The following IQCF6 variants were observed in gnomAD, a reference collection of about 807,000 sequenced individuals.
IQCF6 encodes IQ domain-containing protein F6.
A neutral mutation model predicts 16.8 loss-of-function variants in IQCF6; 15 were observed. The ratio of observed to expected loss-of-function variants is 0.89; its 90% CI spans 0.60 to 1.37. The LOEUF (loss-of-function observed/expected upper bound fraction) is 1.37. IQCF6 is among the 40% of genes most tolerant of loss of function. The pLI is 0.00. For missense variants in IQCF6, 169 were observed against 197.4 expected (o/e 0.86, Z 0.86); for synonymous variants, 64 against 72.8 (o/e 0.88, Z 0.61).
rs1354126454 is a variant in IQCF6, at chr3:51,778,594, G to C, written c.*29C>G. 17 of 1,487,148 alleles carry C rather than the reference G, an allele frequency of 1.1e-5. No homozygotes were observed. Among genetic ancestry groups the C allele is most frequent in the Non-Finnish European group, 1.4e-5 (16 of 1,113,064 alleles). 92.1% of individuals were successfully genotyped at this position (1,487,148 alleles called of 1,614,324 possible). A position where few individuals can be genotyped will look rare whatever the true frequency, so the allele number is the denominator to read the frequency against. On this transcript the variant is annotated 3_prime_UTR_variant, in exon 2 of 2. Transcript: ENST00000667863. The stretch of plus-strand genomic sequence containing the variant: ...CAGTAAGGGTCTTTATTGGAAGAGA[G>C]ATCCAGCCTCCTTGGCTCTGTCAGC...
chr3:51,779,163 G>A lies in IQCF6; in HGVS notation c.62C>T (p.Pro21Leu), dbSNP rs997998421. Residue 21 changes from proline (P) to leucine (L), a missense_variant, in exon 1 of 2, where the codon CCG (proline) becomes CTG (leucine). Coordinates refer to ENST00000667863, the MANE Select transcript of IQCF6 (RefSeq NM_001368369.1). ...CAATCCCCCACTCACATTTAGACAC[G>A]GTTCATTACCTGTCAGGTAAGTCCC... ...AVGTYLTGNE[P>L]CLNLEKTAIK... is the part of the protein sequence containing the mutation. 8.5e-6 allele frequency: 12 copies of A among 1,418,998 alleles called. No homozygotes were observed. In the African/African-American group the frequency reaches 8.6e-5, roughly 10 times the overall value. The allele number at this position is 1,418,998 out of a possible 1,614,324, so 87.9% of individuals were successfully genotyped here.
intron 1 of IQCF6, 55 bp downstream of exon 1, chr3:51,779,098 C>T: frequency 7.0e-7 from 1 of 1,435,526 alleles, no homozygotes. Flanking sequence ...GGCCCAGGTG[C>T]CCCTGACTTC....
Position 51,778,574 on chromosome 3 carries a change from A to C in IQCF6, c.*49T>G, listed in dbSNP as rs752316011. 5.4e-6 allele frequency: 8 copies of C among 1,472,096 alleles called. No individual in the cohort carries two copies. The African/African-American group carries it at 1.1e-4, about 21-fold the overall frequency. The allele number at this position is 1,472,096 out of a possible 1,614,324, so 91.2% of individuals were successfully genotyped here. A position where few individuals can be genotyped will look rare whatever the true frequency, so the allele number is the denominator to read the frequency against. ...CCAAAGGGCAAGTGTATGGTCAGTA[A>C]GGGTCTTTATTGGAAGAGAGATCCA... is the stretch of plus-strand genomic sequence containing the variant. On this transcript the variant is annotated 3_prime_UTR_variant, in exon 2 of 2. Transcript: ENST00000667863.
In IQCF6 at chr3:51,778,753, G is replaced by C. The variant is rs1271391870; in HGVS notation, c.311C>G (p.Ala104Gly). ...MWQARRRFLQ[A>G]RQAACIIQSH... ...CTGGATGATGCAGGCCGCTTGGCGT[G>C]CCTGGAGGAACCGCCTGCGGGCCTG... The change falls in exon 2 of 2, where the codon GCA becomes GGA. Residue 104 changes from alanine (A) to glycine (G), a missense_variant. Coordinates refer to ENST00000667863, the MANE Select transcript of IQCF6 (RefSeq NM_001368369.1). 6.4e-7 allele frequency: 1 copy of C among 1,551,656 alleles called. No individual in the cohort carries two copies. Among genetic ancestry groups the C allele is most frequent in the African/African-American group, 1.4e-5 (1 of 73,178 alleles).
In IQCF6 at chr3:51,778,705, C is replaced by T. The variant is rs2107165020; in HGVS notation, c.359G>A (p.Ser120Asn). The change falls in exon 2 of 2, where the codon AGC (serine) becomes AAC (asparagine). Residue 120 changes from serine (S) to asparagine (N), a missense_variant. By Grantham distance (46) the Ser-to-Asn change is conservative. Coordinates refer to ENST00000667863, the MANE Select transcript of IQCF6 (RefSeq NM_001368369.1). ...GCCCCGGATCAGGCCTCGGGTTTGG[C>T]TGGCATGCCAGCGCCAGTGAGACTG... ...IIQSHWRWHA[S>N]QTRGLIRGHY... is the part of the protein sequence containing the mutation. The T allele has an allele frequency of 6.4e-7, 1 of 1,551,602 alleles. No homozygotes were observed. Among genetic ancestry groups the T allele is most frequent in the Middle Eastern group, 1.7e-4 (1 of 5,992 alleles).
At chr3:51,779,031 G>C in intron 1 of IQCF6, 40 bp from the exon 2 acceptor site, 1 of 1,489,506 alleles carries the variant, frequency 6.7e-7, no homozygotes, top group Non-Finnish European at 9.0e-7. Context: ...TGCTCAATGG[G>C]GGACCCTCCC....
Position 51,779,147 on chromosome 3 carries a change from A to T in IQCF6, c.72+6T>A. 3 of 1,425,450 alleles carry T rather than the reference A, an allele frequency of 2.1e-6. No individual in the cohort carries two copies. The highest frequency in any genetic ancestry group is 2.7e-6 in the Non-Finnish European group (3 of 1,092,614). 88.3% of individuals were successfully genotyped at this position (1,425,450 alleles called of 1,614,324 possible). A position where few individuals can be genotyped will look rare whatever the true frequency, so the allele number is the denominator to read the frequency against. ...CCATCCATCTTGTTTCCAATCCCCC[A>T]CTCACATTTAGACACGGTTCATTAC... On this transcript the variant is annotated splice_donor_region_variant and intron_variant, in intron 1 of 1. Transcript: ENST00000667863.
chr3:51,778,888 C>A lies in IQCF6; in HGVS notation c.176G>T (p.Trp59Leu). Reference protein sequence around the residue: ...ALRAWVIQCWWRSMQAKMLEQ... With the variant: ...ALRAWVIQCWLRSMQAKMLEQ... ...CAACATCTTGGCCTGCATTGACCTC[C>A]ACCAGCACTGGATGACCCAGGCTCT... The change falls in exon 2 of 2, where the codon TGG becomes TTG. Residue 59 changes from tryptophan to leucine, a missense_variant. By Grantham distance (61) the Trp-to-Leu change is moderately conservative. Transcript: ENST00000667863. 1 of 1,552,070 alleles carries A rather than the reference C, an allele frequency of 6.4e-7. No homozygotes were observed.
Position 51,778,659 on chromosome 3 carries a change from G to T in IQCF6, c.405C>A (p.Ser135Arg). Residue 135 changes from serine (S) to arginine (R), a missense_variant, in exon 2 of 2, where the codon AGC becomes AGA. Ser to Arg is a moderately radical substitution (Grantham distance 110, BLOSUM62 -1). Coordinates refer to ENST00000667863, the MANE Select transcript of IQCF6 (RefSeq NM_001368369.1). ...GGATTTCGATGTCAAGCTCCAGCCG[G>T]CTGGCTCTGACCTCATAGTGGCCCC... ...LIRGHYEVRA[S>R]RLELDIEILM... 1.3e-6 allele frequency: 2 copies of T among 1,543,952 alleles called. No individual in the cohort carries two copies. Among genetic ancestry groups the T allele is most frequent in the Non-Finnish European group, 1.8e-6 (2 of 1,140,764 alleles).
In IQCF6 at chr3:51,778,723, T is replaced by C. The variant is rs1704809917; in HGVS notation, c.341A>G (p.His114Arg). Residue 114 changes from histidine (H) to arginine (R), a missense_variant, in exon 2 of 2, where the codon CAC (histidine) becomes CGC (arginine). His to Arg is a conservative substitution (Grantham distance 29). Transcript: ENST00000667863. The stretch of plus-strand genomic sequence containing the variant: ...GGTTTGGCTGGCATGCCAGCGCCAG[T>C]GAGACTGGATGATGCAGGCCGCTTG... ...ARQAACIIQSHWRWHASQTRG... is the reference protein window; with the variant it reads ...ARQAACIIQSRWRWHASQTRG... 1 of 1,551,622 alleles carries C rather than the reference T, an allele frequency of 6.4e-7. No individual in the cohort carries two copies. Among genetic ancestry groups the C allele is most frequent in the East Asian group, 2.4e-5 (1 of 40,904 alleles).
chr3:51,778,919 C>A lies in IQCF6; in HGVS notation c.145G>T (p.Ala49Ser). The A allele has an allele frequency of 6.4e-7, 1 of 1,551,282 alleles. No homozygotes were observed. Among genetic ancestry groups the A allele is most frequent in the Non-Finnish European group, 8.7e-7 (1 of 1,146,500 alleles). ...NMVRRTLLQA[A>S]LRAWVIQCWW... Reference sequence around the variant, plus strand: ...CACTGGATGACCCAGGCTCTGAGTGCTGCCTGCAGTAACGTCCGGCGCACC... The same window carrying A: ...CACTGGATGACCCAGGCTCTGAGTGATGCCTGCAGTAACGTCCGGCGCACC... Residue 49 changes from alanine (A) to serine (S), a missense_variant, in exon 2 of 2, where the codon GCA becomes TCA. Transcript: ENST00000667863.
In IQCF6 at chr3:51,778,820, C is replaced by T. The variant is rs1298225318; in HGVS notation, c.244G>A (p.Glu82Lys). ...GCCTGCACCTTCACCACCGCCCACT[C>T]CTGGCAGGTATAGAGTCTTAGTGCC... ...RLALRLYTCQ[E>K]WAVVKVQAQV... The change falls in exon 2 of 2, where the codon GAG (glutamate) becomes AAG (lysine). Residue 82 changes from glutamate to lysine, a missense_variant. Glu to Lys is a moderately conservative substitution (Grantham distance 56, BLOSUM62 1). Transcript: ENST00000667863. 1 of 1,551,874 alleles carries T rather than the reference C, an allele frequency of 6.4e-7. No homozygotes were observed.
chr3:51,779,015 G>C, intron 1 of IQCF6, 24 bp from the exon 2 acceptor site: 1 of 1,500,494 alleles, frequency 6.7e-7, no homozygotes. Context: ...AGGAAAAACA[G>C]GGAGATGCTC....
At chr3:51,779,097 GC>G (rs1704820755) in intron 1 of IQCF6, 55 bp downstream of exon 1, 1 of 1,433,996 alleles carries the variant, frequency 7.0e-7, no homozygotes, top group Non-Finnish European at 9.1e-7. Context: ...TGGCCCAGGT[GC>G]CCCTGACTTC....
In IQCF6 at chr3:51,778,814, C is replaced by T; in HGVS notation, c.250G>A (p.Ala84Thr). ...ACCTGTGCCTGCACCTTCACCACCG[C>T]CCACTCCTGGCAGGTATAGAGTCTT... ...ALRLYTCQEW[A>T]VVKVQAQVRM... Residue 84 changes from alanine to threonine, a missense_variant, in exon 2 of 2, where the codon GCG (alanine) becomes ACG (threonine). By Grantham distance (58) the Ala-to-Thr change is moderately conservative. Transcript: ENST00000667863. 1 of 1,551,852 alleles carries T rather than the reference C, an allele frequency of 6.4e-7. No homozygotes were observed. The highest frequency in any genetic ancestry group is 8.7e-7 in the Non-Finnish European group (1 of 1,147,026).
chr3:51,778,892 A>G lies in IQCF6; in HGVS notation c.172T>C (p.Trp58Arg), dbSNP rs1158847415. 1.9e-6 allele frequency: 3 copies of G among 1,552,030 alleles called. No individual in the cohort carries two copies. The East Asian group carries it at 7.3e-5, about 38-fold the overall frequency. ...ATCTTGGCCTGCATTGACCTCCACCAGCACTGGATGACCCAGGCTCTGAGT... is the reference window on the plus strand; with the variant it reads ...ATCTTGGCCTGCATTGACCTCCACCGGCACTGGATGACCCAGGCTCTGAGT... ...AALRAWVIQCWWRSMQAKMLE... is the reference protein window; with the variant it reads ...AALRAWVIQCRWRSMQAKMLE... Residue 58 changes from tryptophan to arginine, a missense_variant, in exon 2 of 2, where the codon TGG becomes CGG. Trp to Arg is a moderately radical substitution (Grantham distance 101). Transcript: ENST00000667863.
chr3:51,778,911 T>C lies in IQCF6; in HGVS notation c.153A>G (p.Arg51=), dbSNP rs1209578863. 12 of 1,551,678 alleles carry C rather than the reference T, an allele frequency of 7.7e-6. No individual in the cohort carries two copies. Among genetic ancestry groups the C allele is most frequent in the Non-Finnish European group, 1.0e-5 (12 of 1,146,924 alleles). ...TCCACCAGCACTGGATGACCCAGGC[T>C]CTGAGTGCTGCCTGCAGTAACGTCC... The part of the protein sequence containing the change: ...VRRTLLQAAL[R]AWVIQCWWRS... The change falls in exon 2 of 2, where the codon AGA becomes AGG. Residue 51 remains arginine (R), a synonymous_variant. Coordinates refer to ENST00000667863, the MANE Select transcript of IQCF6 (RefSeq NM_001368369.1).
intron 1 of IQCF6, 51 bp from the exon 2 acceptor site, chr3:51,779,042 C>T (rs1002468022): frequency 1.4e-6 from 2 of 1,472,252 alleles, no homozygotes; most frequent in Non-Finnish European, 1.8e-6. Context: ...GGACCCTCCC[C>T]TCCTGTTCCT....
rs768933908 is a variant in IQCF6, at chr3:51,778,657, C to A, written c.407G>T (p.Arg136Leu). ...IRGHYEVRAS[R>L]LELDIEILMT ...GAGGATTTCGATGTCAAGCTCCAGC[C>A]GGCTGGCTCTGACCTCATAGTGGCC... The change falls in exon 2 of 2, where the codon CGG becomes CTG. Residue 136 changes from arginine to leucine, a missense_variant. Transcript: ENST00000667863. 1.9e-6 allele frequency: 3 copies of A among 1,542,800 alleles called. No individual in the cohort carries two copies. In the South Asian group the frequency reaches 3.6e-5, roughly 18 times the overall value.
Sources: gnomAD v4.1 joint callset for allele counts on GRCh38, gnomAD v4.1.1 for gene constraint, MANE v1.5 for transcripts, NCBI Gene and HGNC (gene_info 2026-07-23, HGNC 2026-07-21) for gene names.